The following PRKACB variants were observed in gnomAD, a reference collection of about 807,000 sequenced individuals.
The protein encoded by PRKACB is cAMP-dependent protein kinase catalytic subunit beta.
A neutral mutation model predicts 51.4 loss-of-function variants in PRKACB; 16 were observed. The ratio of observed to expected loss-of-function variants is 0.31; its 90% CI spans 0.21 to 0.47. The LOEUF (loss-of-function observed/expected upper bound fraction) is 0.47. PRKACB is among the 20% of genes least tolerant of loss of function. PRKACB has a pLI of 1.00. For synonymous variants in PRKACB, 147 were observed against 154.4 expected (o/e 0.95, Z 0.35); for missense variants, 309 against 464.5 (o/e 0.67, Z 3.08).
intron 7 of PRKACB, among the ~76,000 whole-genome samples, chr1:84,198,707 A>C (rs1156473991): frequency 6.6e-6 from 1 of 151,808 alleles, no homozygotes; most frequent in African/African-American, 2.4e-5. Context: ...ATATTGTAAA[A>C]GTAATACTCA....
chr1:84,136,488 A>ATCC (rs1652821583), intron 1 of PRKACB, among the ~76,000 whole-genome samples: 1 of 142,150 alleles, frequency 7.0e-6, no homozygotes, highest in Non-Finnish European at 1.5e-5. Flanking sequence ...GAACGGCCAA[A>ATCC]ACCACACACA....
At chr1:84,190,120 AT>A (rs149699729) in intron 5 of PRKACB, among the ~76,000 whole-genome samples, 1 of 151,722 alleles carries the variant, frequency 6.6e-6, no homozygotes, top group Non-Finnish European at 1.5e-5. Context: ...CATACAACAT[AT>A]TTTTTTCTTA....
At chr1:84,145,207 C>T (rs563075210) in intron 1 of PRKACB, among the ~76,000 whole-genome samples, 1 of 152,214 alleles carries the variant, frequency 6.6e-6, no homozygotes, top group Middle Eastern at 3.4e-3. Flanking sequence ...TGCAGCTTTG[C>T]TAAAATGGTG....
At chr1:84,143,974 G>A (rs1179267536), upstream of PRKACB, among the ~76,000 whole-genome samples, 1 of 152,034 alleles carries the variant, frequency 6.6e-6, no homozygotes, top group Non-Finnish European at 1.5e-5. Context: ...TTGGAGGACA[G>A]CTTGGCCTTC....
intron 2 of PRKACB, among the ~76,000 whole-genome samples, chr1:84,180,395 T>A (rs1199456252): frequency 6.6e-6 from 1 of 150,744 alleles, no homozygotes; most frequent in Non-Finnish European, 1.5e-5. Flanking sequence ...AAGAATGATA[T>A]AATGGACTTT....
chr1:84,204,447 G>C (rs1487665250), intron 8 of PRKACB: 1 of 1,482,526 alleles, frequency 6.7e-7, no homozygotes, highest in Non-Finnish European at 9.4e-7. Flanking sequence ...TCTGGCTTCA[G>C]ACTTCTTATC....
chr1:84,118,402 T>C (rs2684911), intron 1 of PRKACB, among the ~76,000 whole-genome samples: 27,417 of 152,130 alleles, frequency 0.18, 2,777 homozygotes, highest in South Asian at 0.25. Context: ...TCCCATTATT[T>C]GTAATTTTCT....
At chr1:84,234,577 G>A (rs531519911) in intron 9 of PRKACB, among the ~76,000 whole-genome samples, 33 of 152,302 alleles carry the variant, frequency 2.2e-4, no homozygotes, top group South Asian at 1.0e-3. Flanking sequence ...CTCCGTGGGC[G>A]TAGGTCCCTC....
At position 84,237,665 on chromosome 1, in the gene PRKACB, AT is replaced by A. The variant is rs1310043922; in HGVS notation, c.*2363del. On this transcript the variant is annotated 3_prime_UTR_variant, in exon 10 of 10. Coordinates refer to ENST00000370685, the MANE Select transcript of PRKACB (RefSeq NM_182948.4). ...TGTAACATTCCCAGTTTCAGCCACA[AT>A]TTAGCCAAGAATAAGATAAAAACTT... 1 of 152,214 alleles carries A rather than the reference AT, an allele frequency of 6.6e-6. No homozygotes were observed. Among genetic ancestry groups the A allele is most frequent in the Non-Finnish European group, 1.5e-5 (1 of 67,982 alleles). The allele number at this position is 152,214 out of a possible 1,614,324, so 9.4% of individuals were successfully genotyped here. A position where few individuals can be genotyped will look rare whatever the true frequency, so the allele number is the denominator to read the frequency against.
intron 1 of PRKACB, among the ~76,000 whole-genome samples, chr1:84,174,019 C>G (rs1220823792): frequency 6.6e-6 from 1 of 151,776 alleles, no homozygotes; most frequent in African/African-American, 2.4e-5. Flanking sequence ...AGCAAAAGAT[C>G]TTGCCTTCTG....
At chr1:84,126,198 G>A (rs1284197028) in intron 1 of PRKACB, among the ~76,000 whole-genome samples, 1 of 152,168 alleles carries the variant, frequency 6.6e-6, no homozygotes, top group East Asian at 1.9e-4. Flanking sequence ...GATCAGTGGA[G>A]GGTCAGGGTG....
chr1:84,204,709 C>T, intron 8 of PRKACB: 1 of 963,710 alleles, frequency 1.0e-6, no homozygotes, highest in Non-Finnish European at 1.3e-6. Flanking sequence ...ATTTAATTGA[C>T]AGTAATTATA....
At chr1:84,206,709 A>T (rs1671393498) in intron 8 of PRKACB, among the ~76,000 whole-genome samples, 1 of 152,190 alleles carries the variant, frequency 6.6e-6, no homozygotes, top group Admixed American at 6.5e-5. Context: ...CCAGAACAAA[A>T]GTAGTTGTTC....
intron 1 of PRKACB, chr1:84,164,423 G>A: frequency 1.3e-6 from 2 of 1,572,598 alleles, no homozygotes; most frequent in Non-Finnish European, 1.7e-6. Flanking sequence ...ATGGGATTGT[G>A]TGAGTATTTG....
At chr1:84,101,619 C>T (rs990128626) in intron 1 of PRKACB, among the ~76,000 whole-genome samples, 2 of 152,098 alleles carry the variant, frequency 1.3e-5, no homozygotes, top group Non-Finnish European at 2.9e-5. Flanking sequence ...AGGTGTTTTT[C>T]AATAGAAGGC....
At chr1:84,138,870 G>A (rs1384275900) in intron 1 of PRKACB, among the ~76,000 whole-genome samples, 2 of 152,048 alleles carry the variant, frequency 1.3e-5, no homozygotes, top group Admixed American at 6.6e-5. Flanking sequence ...ATTCAAAGCT[G>A]GTTCAATATT....
intron 1 of PRKACB, among the ~76,000 whole-genome samples, chr1:84,129,151 CT>C (rs890632128): frequency 2.0e-5 from 3 of 152,060 alleles, no homozygotes; most frequent in African/African-American, 7.2e-5. Context: ...TTCCATATCT[CT>C]TTTTATGTTG....
At chr1:84,210,150 A>G (rs1231747987) in intron 8 of PRKACB, among the ~76,000 whole-genome samples, 1 of 152,184 alleles carries the variant, frequency 6.6e-6, no homozygotes, top group Non-Finnish European at 1.5e-5. Flanking sequence ...GTGTATCTGT[A>G]CCTCACTGGG....
At chr1:84,079,110 A>AAATCAT (rs71582917) in intron 1 of PRKACB, among the ~76,000 whole-genome samples, 9,563 of 152,240 alleles carry the variant, frequency 0.063, 327 homozygotes, top group Middle Eastern at 0.12. Flanking sequence ...AAACAGTAAA[A>AAATCAT]AATCATGAAA....
Sources: allele counts gnomAD v4.1 joint callset (sites outside exome capture counted in the v4.1 genomes callset), GRCh38; gene constraint gnomAD v4.1.1; transcripts MANE v1.5; gene names NCBI Gene and HGNC (gene_info 2026-07-23, HGNC 2026-07-21).